The following CACNA1C variants were observed in gnomAD, a reference collection of about 807,000 sequenced individuals.
CACNA1C encodes the protein voltage-dependent L-type calcium channel subunit alpha-1C.
A neutral mutation model predicts 229.0 loss-of-function variants in CACNA1C; 30 were observed. The observed-to-expected ratio is 0.13, with a 90% CI of 0.10 to 0.18. CACNA1C has a LOEUF of 0.18. CACNA1C is among the 10% of genes least tolerant of loss of function. The pLI is 1.00. For missense variants in CACNA1C, 1,658 were observed against 2,845.0 expected, an observed-to-expected ratio of 0.58 and a Z score of 9.49; for synonymous variants, 1,114 against 1,132.5, an observed-to-expected ratio of 0.98 and a Z score of 0.33.
intron 11 of CACNA1C, among the ~76,000 whole-genome samples, chr12:2,563,643 G>A (rs1215481810): frequency 1.3e-5 from 2 of 152,222 alleles, no homozygotes; most frequent in East Asian, 1.9e-4. Context: ...CAAAGTCTTG[G>A]TAACAGGATT....
chr12:2,592,703 AT>A (rs55789235), intron 18 of CACNA1C, among the ~76,000 whole-genome samples: 86,493 of 131,562 alleles, frequency 0.66, 29,189 homozygotes, highest in Admixed American at 0.76. Flanking sequence ...CAGCACATGA[AT>A]TTTTTTTTTT....
intron 3 of CACNA1C, among the ~76,000 whole-genome samples, chr12:2,136,553 A>G (rs930666229): frequency 1.3e-5 from 2 of 151,178 alleles, no homozygotes; most frequent in African/African-American, 2.4e-5. Flanking sequence ...GCCTTCAACT[A>G]GAGTTTATGC....
chr12:2,316,208 C>A (rs936381116), intron 3 of CACNA1C, among the ~76,000 whole-genome samples: 1 of 152,222 alleles, frequency 6.6e-6, no homozygotes, highest in African/African-American at 2.4e-5. Context: ...CACAGAAGGG[C>A]AGAACAGTTA....
chr12:2,151,430 T>C (rs932882113), intron 3 of CACNA1C, among the ~76,000 whole-genome samples: 1 of 151,792 alleles, frequency 6.6e-6, no homozygotes, highest in Non-Finnish European at 1.5e-5. Flanking sequence ...TTTTATAGGT[T>C]TTTATAGACA....
At chr12:2,450,143 C>T (rs1208792689) in intron 4 of CACNA1C, among the ~76,000 whole-genome samples, 1 of 152,186 alleles carries the variant, frequency 6.6e-6, no homozygotes. Context: ...TGCAAAGAAT[C>T]TTAAATAAAA....
At chr12:2,547,360 T>G in intron 9 of CACNA1C, 1 of 721,022 alleles carries the variant, frequency 1.4e-6, no homozygotes, top group Non-Finnish European at 2.6e-6. Flanking sequence ...GCTGAGTTCC[T>G]TGTTTCTTTC....
rs216030 is a variant in CACNA1C, at chr12:2,646,801, C to T, written c.3913-1674C>T. Among the ~76,000 whole-genome samples the T allele has an allele frequency of 0.32, 44,148 of 136,256 alleles. 7,743 individuals carry two copies. Among genetic ancestry groups the T allele is most frequent in the African/African-American group, 0.52 (20,653 of 39,776 alleles). 89.4% of individuals were successfully genotyped at this position (136,256 alleles called of 152,430 possible). On this transcript the variant is annotated intron_variant, in intron 30 of 46. Transcript: ENST00000399655. The surrounding 1 kb of genome is among the most constrained non-coding windows in gnomAD (Gnocchi z 4.6). The stretch of plus-strand genomic sequence containing the variant: ...GAGAGAGAGAGAGAGTGTGTGTGTG[C>T]GCGTGTGTGTGTCTGCCTATGTTTG...
rs1471993056 is a variant in CACNA1C at position 2,552,114 on chromosome 12, A to G, written c.1481+2081A>G. Among the ~76,000 whole-genome samples the G allele has an allele frequency of 3.9e-5, 6 of 152,224 alleles. No individual in the cohort carries two copies. In the East Asian group the frequency reaches 9.6e-4, roughly 24 times the overall value. On this transcript the variant is annotated intron_variant, in intron 10 of 46. Transcript: ENST00000399655. The stretch of plus-strand genomic sequence containing the variant: ...CAAGCAAAATAGACAAAGGAATGTT[A>G]AGAGAACAGGCAGCAGCGCCAGCCT...
At chr12:2,107,461 G>A (rs1239991953) in intron 1 of CACNA1C, among the ~76,000 whole-genome samples, 7 of 106,870 alleles carry the variant, frequency 6.6e-5, no homozygotes, top group South Asian at 3.6e-4. Flanking sequence ...ACCACTGGGC[G>A]CCCACCCCGG....
chr12:2,384,237 G>A (rs754393011), intron 3 of CACNA1C, among the ~76,000 whole-genome samples: 1 of 152,218 alleles, frequency 6.6e-6, no homozygotes, highest in African/African-American at 2.4e-5. Flanking sequence ...CTGTCTTTGT[G>A]TAAGAGTTCT....
At chr12:2,082,562 C>G (rs2066051596) in intron 1 of CACNA1C, among the ~76,000 whole-genome samples, 1 of 152,164 alleles carries the variant, frequency 6.6e-6, no homozygotes, top group South Asian at 2.1e-4. Flanking sequence ...GGCCCTCTCT[C>G]CTGCCTCCTG....
rs979779844 is a variant in CACNA1C, at chr12:2,054,024, G to C, written c.49+413G>C. The stretch of plus-strand genomic sequence containing the variant: ...AGGCCCGGGGTCCCTCGCCCGGCTC[G>C]GGGCGCGGCTGGGAGCGCGCGCGCG... On this transcript the variant is annotated intron_variant, in intron 1 of 46. Transcript: ENST00000399655. This position sits in a 1 kb window ranked among gnomAD's most constrained non-coding sequence, Gnocchi z 5.5. Among the ~76,000 whole-genome samples, 1 of 146,828 alleles carries C rather than the reference G, an allele frequency of 6.8e-6. No homozygotes were observed. Among genetic ancestry groups the C allele is most frequent in the African/African-American group, 2.4e-5 (1 of 40,856 alleles).
intron 3 of CACNA1C, among the ~76,000 whole-genome samples, chr12:2,330,149 G>A (rs1056545663): frequency 2.6e-5 from 4 of 152,158 alleles, no homozygotes; most frequent in Non-Finnish European, 5.9e-5. Context: ...TGTTTGAATT[G>A]CATCCTCCCG....
At chr12:2,537,063 G>A (rs2099857495) in intron 9 of CACNA1C, among the ~76,000 whole-genome samples, 1 of 152,168 alleles carries the variant, frequency 6.6e-6, no homozygotes, top group Non-Finnish European at 1.5e-5. Context: ...CTGCCCAGAG[G>A]AGCCGGCAGG....
intron 3 of CACNA1C, among the ~76,000 whole-genome samples, chr12:2,170,781 AC>A (rs2096444501): frequency 6.6e-6 from 1 of 152,154 alleles, no homozygotes; most frequent in South Asian, 2.1e-4. Flanking sequence ...AGGACACGTT[AC>A]CTCAGTACGT....
intron 13 of CACNA1C, among the ~76,000 whole-genome samples, chr12:2,568,223 G>A (rs947032127): frequency 3.3e-5 from 5 of 152,030 alleles, no homozygotes; most frequent in Admixed American, 6.6e-5. Context: ...CAAAAGGGCC[G>A]ACCACCCCGG....
intron 3 of CACNA1C, among the ~76,000 whole-genome samples, chr12:2,323,583 C>T (rs1403617330): frequency 2.0e-5 from 3 of 152,208 alleles, no homozygotes; most frequent in African/African-American, 7.2e-5. Flanking sequence ...TGCCCACACA[C>T]TGAGCTTGCT....
At chr12:2,617,457 C>T (rs527820257) in intron 29 of CACNA1C, among the ~76,000 whole-genome samples, 1 of 152,352 alleles carries the variant, frequency 6.6e-6, no homozygotes, top group South Asian at 2.1e-4. Flanking sequence ...GCCCACTCTG[C>T]ATCGTGAAGG....
chr12:2,507,732 GA>G (rs1055538817), intron 8 of CACNA1C, among the ~76,000 whole-genome samples: 1 of 152,222 alleles, frequency 6.6e-6, no homozygotes, highest in African/African-American at 2.4e-5. Flanking sequence ...CCATTCTACA[GA>G]GAAGGCAAGT....
Sources: gnomAD v4.1 joint callset for allele counts (sites outside exome capture counted in the v4.1 genomes callset) on GRCh38, gnomAD v4.1.1 for gene constraint, Gnocchi (gnomAD v3.1) non-coding constraint, MANE v1.5 for transcripts, NCBI Gene and HGNC (gene_info 2026-07-23, HGNC 2026-07-21) for gene names.